The following KCNIP4 variants were observed in gnomAD, a reference collection of about 807,000 sequenced individuals.
The protein encoded by KCNIP4 is Kv channel-interacting protein 4.
A neutral mutation model predicts 34.0 loss-of-function variants in KCNIP4; 12 were observed. The ratio of observed to expected loss-of-function variants is 0.35; its 90% CI spans 0.23 to 0.57. The LOEUF (loss-of-function observed/expected upper bound fraction) is 0.57, where lower values mean the gene tolerates loss of function less well. Ranked by LOEUF, KCNIP4 falls within the 20% of genes least tolerant of loss-of-function variation. The probability of loss-of-function intolerance (pLI) is 0.83; values close to 1 mark genes in which losing one functional copy is unlikely to be tolerated. For synonymous variants in KCNIP4, 124 were observed against 102.2 expected (o/e 1.21, Z -1.29); for missense variants, 238 against 311.7 (o/e 0.76, Z 1.78).
At chr4:21,059,275 T>G (rs1281988309) in intron 1 of KCNIP4, among the ~76,000 whole-genome samples, 16 of 152,214 alleles carry the variant, frequency 1.1e-4, no homozygotes, top group Non-Finnish European at 7.3e-5. Flanking sequence ...GCAATTGTAC[T>G]TCTGTACTCC....
chr4:21,127,064 G>T, intron 1 of KCNIP4, among the ~76,000 whole-genome samples: 1 of 152,114 alleles, frequency 6.6e-6, no homozygotes, highest in South Asian at 2.1e-4. Context: ...CTTTGCATTT[G>T]CTATTCTCTC....
chr4:21,612,525 G>A (rs2109150273), intron 1 of KCNIP4, among the ~76,000 whole-genome samples: 1 of 152,348 alleles, frequency 6.6e-6, no homozygotes, highest in Non-Finnish European at 1.5e-5. Flanking sequence ...GGCTTTTTCA[G>A]TTGTCTGGAG....
At chr4:20,981,343 T>G (rs1240187293) in intron 1 of KCNIP4, among the ~76,000 whole-genome samples, 1 of 152,242 alleles carries the variant, frequency 6.6e-6, no homozygotes, top group Non-Finnish European at 1.5e-5. Flanking sequence ...GGTCAGAGCC[T>G]TGTAGAAATT....
intron 1 of KCNIP4, among the ~76,000 whole-genome samples, chr4:21,481,096 C>T (rs35895330): frequency 0.13 from 19,120 of 152,148 alleles, 1,372 homozygotes; most frequent in South Asian, 0.21. Context: ...AATAACACAA[C>T]GGTTATCTGG....
At chr4:21,875,481 T>C (rs1726058198) in intron 1 of KCNIP4, among the ~76,000 whole-genome samples, 1 of 152,240 alleles carries the variant, frequency 6.6e-6, no homozygotes, top group South Asian at 2.1e-4. Flanking sequence ...GATTTGGACA[T>C]GTTGCACTTA....
intron 1 of KCNIP4, among the ~76,000 whole-genome samples, chr4:21,826,237 A>T (rs1722670642): frequency 6.6e-6 from 1 of 152,182 alleles, no homozygotes. Context: ...TGACAGTTAC[A>T]TGGGGATTTT....
chr4:21,350,308 C>T (rs910635565), intron 1 of KCNIP4, among the ~76,000 whole-genome samples: 2 of 152,176 alleles, frequency 1.3e-5, no homozygotes, highest in African/African-American at 2.4e-5. Context: ...GATGAGGAAT[C>T]TCTTGGCACC....
intron 1 of KCNIP4, among the ~76,000 whole-genome samples, chr4:21,097,120 A>G (rs1400236376): frequency 6.6e-6 from 1 of 152,210 alleles, no homozygotes; most frequent in Non-Finnish European, 1.5e-5. Flanking sequence ...ATGAAAACAT[A>G]CATTCACACC....
intron 1 of KCNIP4, among the ~76,000 whole-genome samples, chr4:21,169,628 G>A (rs779006431): frequency 6.6e-6 from 1 of 150,728 alleles, no homozygotes; most frequent in Non-Finnish European, 1.5e-5. Context: ...GGTTTTGTTT[G>A]GGTTTCATAT....
At chr4:21,760,587 T>TG (rs1717981907) in intron 1 of KCNIP4, among the ~76,000 whole-genome samples, 1 of 152,108 alleles carries the variant, frequency 6.6e-6, no homozygotes, top group African/African-American at 2.4e-5. Context: ...CCCCAGGGCC[T>TG]GACTTCTAGG....
intron 1 of KCNIP4, among the ~76,000 whole-genome samples, chr4:21,079,783 A>G (rs1001299390): frequency 2.0e-5 from 3 of 151,820 alleles, no homozygotes; most frequent in African/African-American, 7.3e-5. Flanking sequence ...AAAGGGAGGC[A>G]GGAGAGTCAG....
intron 1 of KCNIP4, among the ~76,000 whole-genome samples, chr4:21,790,442 A>G (rs1288574733): frequency 6.6e-6 from 1 of 152,164 alleles, no homozygotes; most frequent in Non-Finnish European, 1.5e-5. Context: ...CCAGAATAGG[A>G]GAGGAATTTC....
intron 1 of KCNIP4, among the ~76,000 whole-genome samples, chr4:20,968,933 T>C (rs1397664866): frequency 6.6e-6 from 1 of 151,962 alleles, no homozygotes; most frequent in Non-Finnish European, 1.5e-5. Context: ...TAATAAAAAA[T>C]AAAAATAAAA....
chr4:21,030,231 C>T (rs935085158), intron 1 of KCNIP4, among the ~76,000 whole-genome samples: 6 of 152,018 alleles, frequency 3.9e-5, no homozygotes, highest in Non-Finnish European at 5.9e-5. Context: ...CTCTTAGGAG[C>T]GTGAACCCTA....
intron 1 of KCNIP4, among the ~76,000 whole-genome samples, chr4:21,434,401 AG>A (rs1306843807): frequency 1.3e-5 from 2 of 152,172 alleles, no homozygotes; most frequent in Non-Finnish European, 2.9e-5. Context: ...ATTAATAGTA[AG>A]GTTTTAGAAT....
At chr4:21,789,654 T>A (rs59863667) in intron 1 of KCNIP4, among the ~76,000 whole-genome samples, 12,756 of 152,218 alleles carry the variant, frequency 0.084, 1,814 homozygotes, top group African/African-American at 0.29. Flanking sequence ...TAGCTCATCG[T>A]CAAGACATTC....
chr4:21,123,853 T>C (rs1210990623), intron 1 of KCNIP4, among the ~76,000 whole-genome samples: 1 of 152,142 alleles, frequency 6.6e-6, no homozygotes, highest in East Asian at 1.9e-4. Context: ...AGCAAGCATG[T>C]GGCTGTCTCC....
intron 1 of KCNIP4, among the ~76,000 whole-genome samples, chr4:21,389,991 C>A (rs77539451): frequency 0.74 from 96,344 of 129,610 alleles, 37,965 homozygotes; most frequent in Non-Finnish European, 0.88. Context: ...AATGATTGCC[C>A]TTCTAACTAC....
At chr4:21,025,854 CT>C (rs1740516521) in intron 1 of KCNIP4, among the ~76,000 whole-genome samples, 1 of 151,962 alleles carries the variant, frequency 6.6e-6, no homozygotes, top group East Asian at 1.9e-4. Flanking sequence ...TGCACCCGGC[CT>C]GATACTGGTT....
Sources: allele counts gnomAD v4.1 joint callset (sites outside exome capture counted in the v4.1 genomes callset), GRCh38; gene constraint gnomAD v4.1.1; transcripts MANE v1.5; gene names NCBI Gene and HGNC (gene_info 2026-07-23, HGNC 2026-07-21).